The following MED31 variants were observed in gnomAD, a reference collection of about 807,000 sequenced individuals.
The protein encoded by MED31 is mediator of RNA polymerase II transcription subunit 31.
Under a neutral mutation model 22.0 loss-of-function variants are expected in MED31, and 11 were observed. The observed-to-expected ratio is 0.50, with a 90% CI of 0.31 to 0.83. The LOEUF is 0.83. MED31 is among the 40% of genes least tolerant of loss of function. MED31 has a pLI of 0.04. For synonymous variants in MED31, 60 were observed against 55.1 expected, an observed-to-expected ratio of 1.09 and a Z score of -0.40; for missense variants, 122 against 155.3, an observed-to-expected ratio of 0.79 and a Z score of 1.14.
rs373554460 is a variant in MED31 at position 6,651,568 on chromosome 17, C to T, written c.-40G>A. ...CCAAAACGCCACCAGCCTGACAGAG[C>T]AAAAGCCCAGAGACGCGGGCGAAGT... is the stretch of plus-strand genomic sequence containing the variant. On this transcript the variant is annotated 5_prime_UTR_variant, in exon 1 of 4. Transcript: ENST00000225728. 7.4e-6 allele frequency: 12 copies of T among 1,613,464 alleles called. No homozygotes were observed. In the African/African-American group the frequency reaches 1.3e-4, roughly 18 times the overall value.
intron 3 of MED31, among the ~76,000 whole-genome samples, chr17:6,649,064 G>A (rs974513968): frequency 6.6e-6 from 1 of 151,694 alleles, no homozygotes; most frequent in South Asian, 2.1e-4. Context: ...TGCTTCGTGA[G>A]TCAATTGTTA....
chr17:6,644,149 T>C lies in MED31; in HGVS notation c.*318A>G, dbSNP rs1464656169. ...CAGCTAGCCTTAGAATTCAGTATAC[T>C]TGGTGGCCCACCCCTACCCCATGCC... On this transcript the variant is annotated 3_prime_UTR_variant, in exon 4 of 4. Coordinates refer to ENST00000225728, the MANE Select transcript of MED31 (RefSeq NM_016060.3). 4.7e-6 allele frequency: 2 copies of C among 427,338 alleles called. No homozygotes were observed. The highest frequency in any genetic ancestry group is 3.4e-5 in the East Asian group (1 of 29,214). 26.5% of individuals were successfully genotyped at this position (427,338 alleles called of 1,614,324 possible).
chr17:6,651,383 CCT>C lies in MED31; in HGVS notation c.28+116_28+117del, dbSNP rs1198136312. 1.0e-5 allele frequency: 14 copies of C among 1,338,902 alleles called. No homozygotes were observed. The East Asian group carries it at 2.4e-4, about 23-fold the overall frequency. 82.9% of individuals were successfully genotyped at this position (1,338,902 alleles called of 1,614,324 possible). On this transcript the variant is annotated intron_variant, in intron 1 of 3. Coordinates refer to ENST00000225728, the MANE Select transcript of MED31 (RefSeq NM_016060.3). ...TCTAGACGCTACAAGAGCCTTCTCT[CCT>C]CTCTGTCCAAATATTAACCCTGCCA...
chr17:6,644,916 C>A (rs1377800347), intron 3 of MED31, among the ~76,000 whole-genome samples: 1 of 152,176 alleles, frequency 6.6e-6, no homozygotes, highest in African/African-American at 2.4e-5. Context: ...AACTGGTAAG[C>A]AGAGTGAAAA....
Position 6,649,992 on chromosome 17 carries a change from T to C in MED31, c.193A>G (p.Lys65Glu). 1 of 1,594,508 alleles carries C rather than the reference T, an allele frequency of 6.3e-7. No homozygotes were observed. Among genetic ancestry groups the C allele is most frequent in the Non-Finnish European group, 8.5e-7 (1 of 1,175,184 alleles). ...AAAAATTAAACTTACTTTAGATACT[T>C]GGCATATTCTGGGTCTTTCCAGTAA... Reference protein sequence around the residue: ...LLYWKDPEYAKYLKYPQCLHM... With the variant: ...LLYWKDPEYAEYLKYPQCLHM... Residue 65 changes from lysine (K) to glutamate (E), a missense_variant, in exon 3 of 4, where the codon AAG becomes GAG. Coordinates refer to ENST00000225728, the MANE Select transcript of MED31 (RefSeq NM_016060.3).
intron 3 of MED31, among the ~76,000 whole-genome samples, chr17:6,644,984 A>G (rs1209907574): frequency 6.6e-6 from 1 of 152,246 alleles, no homozygotes; most frequent in Non-Finnish European, 1.5e-5. Flanking sequence ...GAACATGAAC[A>G]TATTTTAGTA....
chr17:6,651,134 A>AAAAAAAAAAAAAAAAAAAAAAT (rs1266489995), intron 1 of MED31, among the ~76,000 whole-genome samples: 1 of 149,428 alleles, frequency 6.7e-6, no homozygotes, highest in African/African-American at 2.5e-5. Context: ...AAAAAAAAAA[A>AAAAAAAAAAAAAAAAAAAAAAT]AAAGAAGCAC....
At chr17:6,647,625 G>A (rs1478295137) in intron 3 of MED31, among the ~76,000 whole-genome samples, 1 of 152,188 alleles carries the variant, frequency 6.6e-6, no homozygotes, top group Non-Finnish European at 1.5e-5. Flanking sequence ...TTCCAAGACA[G>A]CAAAGATTTG....
chr17:6,645,151 T>C (rs1972750744), intron 3 of MED31, among the ~76,000 whole-genome samples: 1 of 152,200 alleles, frequency 6.6e-6, no homozygotes, highest in African/African-American at 2.4e-5. Context: ...TACTCTAGGA[T>C]TGGACAAGCA....
chr17:6,649,859 A>ATT, intron 3 of MED31, 123 bp downstream of exon 3: 2 of 993,072 alleles, frequency 2.0e-6, no homozygotes, highest in Non-Finnish European at 2.8e-6. Context: ...GGTGTCTTGT[A>ATT]TTAAGACGGT....
rs1354902561 is a variant in MED31, at chr17:6,650,005, G to C, written c.180C>G (p.Asp60Glu). Reference protein sequence around the residue: ...NYLKYLLYWKDPEYAKYLKYP... With the variant: ...NYLKYLLYWKEPEYAKYLKYP... ...ACTTTAGATACTTGGCATATTCTGG[G>C]TCTTTCCAGTAAAGCAAGTATTTAA... Residue 60 changes from aspartate (D) to glutamate (E), a missense_variant, in exon 3 of 4, where the codon GAC becomes GAG. Transcript: ENST00000225728. 1 of 1,603,708 alleles carries C rather than the reference G, an allele frequency of 6.2e-7. No individual in the cohort carries two copies. The highest frequency in any genetic ancestry group is 2.2e-5 in the East Asian group (1 of 44,718).
chr17:6,650,105 G>A, intron 2 of MED31, 27 bp from the exon 3 acceptor site: 1 of 1,551,392 alleles, frequency 6.4e-7, no homozygotes. Flanking sequence ...AAAAAAATCT[G>A]TAGGTCAAAC....
At position 6,650,050 on chromosome 17, in the gene MED31, G is replaced by C. The variant is rs1265864572; in HGVS notation, c.135C>G (p.Asp45Glu). 1 of 1,601,982 alleles carries C rather than the reference G, an allele frequency of 6.2e-7. No individual in the cohort carries two copies. The highest frequency in any genetic ancestry group is 8.5e-7 in the Non-Finnish European group (1 of 1,177,054). ...NFLAQRGYFK[D>E]KAFVNYLKYL... ...ATTTAAGATAATTAACAAAAGCTTT[G>C]TCTTTGAAGTAACCTCTTTGGGCAA... The change falls in exon 3 of 4, where the codon GAC (aspartate) becomes GAG (glutamate). Residue 45 changes from aspartate to glutamate, a missense_variant. Transcript: ENST00000225728.
In MED31 at chr17:6,650,438, G is replaced by A. The variant is rs764957715; in HGVS notation, c.29-5C>T. 7 of 1,613,732 alleles carry A rather than the reference G, an allele frequency of 4.3e-6. No homozygotes were observed. In the African/African-American group the frequency reaches 5.3e-5, roughly 12 times the overall value. ...GAAGTCGATTTCCAGCATCATCTAG[G>A]AGACAAGACAGCAAAAATCATGGAA... is the stretch of plus-strand genomic sequence containing the variant. On this transcript the variant is annotated splice_region_variant and splice_polypyrimidine_tract_variant and intron_variant, in intron 1 of 3. Transcript: ENST00000225728.
At chr17:6,650,474 A>G in intron 1 of MED31, 41 bp from the exon 2 acceptor site, 1 of 1,566,268 alleles carries the variant, frequency 6.4e-7, no homozygotes, top group Non-Finnish European at 8.8e-7. Flanking sequence ...AACAAAGGTC[A>G]CTGTATATAA....
At position 6,646,787 on chromosome 17, in the gene MED31, G is replaced by A. The variant is rs558892819; in HGVS notation, c.204-2128C>T. Among the ~76,000 whole-genome samples the A allele has an allele frequency of 7.9e-5, 12 of 152,282 alleles. No individual in the cohort carries two copies. In the South Asian group the frequency reaches 2.1e-3, roughly 26 times the overall value. On this transcript the variant is annotated intron_variant, in intron 3 of 3. Coordinates refer to ENST00000225728, the MANE Select transcript of MED31 (RefSeq NM_016060.3). ...GGAAAGACCTTACATCCCCCAGCCC[G>A]ACACCTGTAAAGGGTCTGTGCTGAG...
chr17:6,645,972 A>G (rs909699636), intron 3 of MED31, among the ~76,000 whole-genome samples: 1 of 152,252 alleles, frequency 6.6e-6, no homozygotes, highest in Non-Finnish European at 1.5e-5. Context: ...CAACCAAGTT[A>G]CCAAAATTTA....
At position 6,649,980 on chromosome 17, in the gene MED31, A is replaced by C; in HGVS notation, c.203+2T>G. On this transcript the variant is annotated splice_donor_variant, in intron 3 of 3. Coordinates refer to ENST00000225728, the MANE Select transcript of MED31 (RefSeq NM_016060.3). LOFTEE classifies it high-confidence loss of function. The stretch of plus-strand genomic sequence containing the variant: ...GCTTAGGATTATAAAAATTAAACTT[A>C]CTTTAGATACTTGGCATATTCTGGG... 1.3e-6 allele frequency: 2 copies of C among 1,584,214 alleles called. No individual in the cohort carries two copies. Among genetic ancestry groups the C allele is most frequent in the Non-Finnish European group, 1.7e-6 (2 of 1,172,254 alleles).
chr17:6,649,052 T>A (rs766322939), intron 3 of MED31, among the ~76,000 whole-genome samples: 1 of 151,990 alleles, frequency 6.6e-6, no homozygotes, highest in Non-Finnish European at 1.5e-5. Context: ...ATAAGACGTA[T>A]GTGCTTCGTG....
Sources: allele counts gnomAD v4.1 joint callset (sites outside exome capture counted in the v4.1 genomes callset), GRCh38; gene constraint gnomAD v4.1.1; transcripts MANE v1.5; gene names NCBI Gene and HGNC (gene_info 2026-07-23, HGNC 2026-07-21).